LMBRD1: variants seen among roughly 807,000 people sequenced by gnomAD.
LMBRD1 encodes the protein lysosomal cobalamin transport escort protein LMBD1.
LMBRD1 carries 64 observed loss-of-function variants against 74.8 expected under a neutral mutation model. The observed-to-expected ratio is 0.86, with a 90% confidence interval of 0.70 to 1.05. The LOEUF is 1.05. Ranked by LOEUF, LMBRD1 falls within the 50% of genes least tolerant of loss-of-function variation. The pLI is 0.00. For missense variants in LMBRD1, 652 were observed against 645.9 expected (o/e 1.01, Z -0.10); for synonymous variants, 204 against 216.3 (o/e 0.94, Z 0.50).
At chr6:69,724,358 A>C (rs1315363519) in intron 7 of LMBRD1, among the ~76,000 whole-genome samples, 1 of 149,458 alleles carries the variant, frequency 6.7e-6, no homozygotes, top group Non-Finnish European at 1.5e-5. Flanking sequence ...TAAAAAAAAA[A>C]AAAAAAACAC....
At chr6:69,718,439 T>C (rs913028531) in intron 8 of LMBRD1, among the ~76,000 whole-genome samples, 2 of 152,176 alleles carry the variant, frequency 1.3e-5, no homozygotes, top group African/African-American at 2.4e-5. Flanking sequence ...TTTAAAAATA[T>C]AGACATGGTT....
chr6:69,756,373 A>AAAAAAAG, intron 3 of LMBRD1, among the ~76,000 whole-genome samples: 1 of 151,998 alleles, frequency 6.6e-6, no homozygotes, highest in African/African-American at 2.4e-5. Context: ...AAAAAAAAAA[A>AAAAAAAG]AAAGAAAAAG....
At chr6:69,764,638 T>C (rs1765442112) in intron 3 of LMBRD1, among the ~76,000 whole-genome samples, 2 of 152,310 alleles carry the variant, frequency 1.3e-5, no homozygotes, top group East Asian at 1.9e-4. Flanking sequence ...CCTGATTAAA[T>C]GCCTGTTCAA....
chr6:69,710,622 C>T lies in LMBRD1; in HGVS notation c.915+3023G>A, dbSNP rs1354854163. On this transcript the variant is annotated intron_variant, in intron 9 of 15. Coordinates refer to ENST00000649934, the MANE Select transcript of LMBRD1 (RefSeq NM_018368.4). ...CTAGATCCAGACTATATAATGAACGCTTGTATCTCACTCATAATAGAAAAC... is the reference window on the plus strand; with the variant it reads ...CTAGATCCAGACTATATAATGAACGTTTGTATCTCACTCATAATAGAAAAC... 1.8e-4 allele frequency among the ~76,000 whole-genome samples: 28 copies of T among 152,056 alleles called. 1 individual carries two copies. The highest frequency in any genetic ancestry group is 1.8e-3 in the Admixed American group (27 of 15,262).
rs1369956364 is a variant in LMBRD1, at chr6:69,719,060, G to A, written c.658C>T (p.Pro220Ser). The change falls in exon 8 of 16, where the codon CCT (proline) becomes TCT (serine). Residue 220 changes from proline to serine, a missense_variant. By Grantham distance (74) the Pro-to-Ser change is moderately conservative. This residue lies in a region of LMBRD1 where 598 missense variants were observed against 581.8 expected (regional missense o/e 1.03). Coordinates refer to ENST00000649934, the MANE Select transcript of LMBRD1 (RefSeq NM_018368.4). ...CTAGTGCCTTTTATCAGATTTAAAG[G>A]TAACGCAGACATGCCATAGGCCTAA... ...TYTAYGMSALPLNLIKGTRSA... is the reference protein window; with the variant it reads ...TYTAYGMSALSLNLIKGTRSA... 6.2e-7 allele frequency: 1 copy of A among 1,613,120 alleles called. No individual in the cohort carries two copies. Among genetic ancestry groups the A allele is most frequent in the Non-Finnish European group, 8.5e-7 (1 of 1,179,398 alleles).
intron 7 of LMBRD1, among the ~76,000 whole-genome samples, chr6:69,722,131 A>G (rs571257450): frequency 6.6e-6 from 1 of 152,210 alleles, no homozygotes; most frequent in Non-Finnish European, 1.5e-5. Context: ...AGCAAAGAAC[A>G]GCATGACATA....
chr6:69,748,796 A>G (rs1765052122), intron 5 of LMBRD1, among the ~76,000 whole-genome samples: 2 of 152,114 alleles, frequency 1.3e-5, no homozygotes, highest in African/African-American at 4.8e-5. Flanking sequence ...TATAAAAACA[A>G]GAAGAATTAA....
At chr6:69,777,053 C>T (rs1167807657) in intron 3 of LMBRD1, among the ~76,000 whole-genome samples, 1 of 152,176 alleles carries the variant, frequency 6.6e-6, no homozygotes, top group African/African-American at 2.4e-5. Context: ...GAGGCCGAGG[C>T]AAGAGAATCA....
chr6:69,750,973 C>T (rs769244367), intron 4 of LMBRD1, among the ~76,000 whole-genome samples: 2 of 152,068 alleles, frequency 1.3e-5, no homozygotes, highest in South Asian at 4.1e-4. Context: ...TATTTAAATA[C>T]AAATATAAAC....
intron 3 of LMBRD1, among the ~76,000 whole-genome samples, chr6:69,772,383 C>T (rs965623966): frequency 2.6e-5 from 4 of 152,132 alleles, no homozygotes; most frequent in African/African-American, 9.7e-5. Context: ...AAAACAAGAA[C>T]ATATGTCTCA....
At chr6:69,740,030 C>T (rs1020889469) in intron 6 of LMBRD1, among the ~76,000 whole-genome samples, 10 of 152,112 alleles carry the variant, frequency 6.6e-5, no homozygotes, top group Non-Finnish European at 1.0e-4. Context: ...CGCTTGAACC[C>T]GGAAGGCAGG....
intron 7 of LMBRD1, among the ~76,000 whole-genome samples, chr6:69,720,018 C>T (rs754708015): frequency 2.6e-5 from 4 of 152,148 alleles, no homozygotes; most frequent in Non-Finnish European, 5.9e-5. Flanking sequence ...TCTCTGCTAC[C>T]TAGCTGTCAA....
At chr6:69,765,764 T>C (rs1037265617) in intron 3 of LMBRD1, among the ~76,000 whole-genome samples, 4 of 152,152 alleles carry the variant, frequency 2.6e-5, no homozygotes, top group African/African-American at 4.8e-5. Context: ...TAATATGGAA[T>C]TGTTTATTTA....
At chr6:69,726,796 A>T (rs1766745970) in intron 7 of LMBRD1, among the ~76,000 whole-genome samples, 1 of 150,592 alleles carries the variant, frequency 6.6e-6, no homozygotes. Context: ...AAAAAAAATG[A>T]GTAAGACCCA....
At chr6:69,738,500 C>A (rs1767022880) in intron 6 of LMBRD1, among the ~76,000 whole-genome samples, 1 of 151,916 alleles carries the variant, frequency 6.6e-6, no homozygotes, top group Non-Finnish European at 1.5e-5. Flanking sequence ...AAACTAAAAT[C>A]TTAATTAAAG....
chr6:69,676,000 T>C lies in LMBRD1; in HGVS notation c.*158A>G, dbSNP rs1271693671. 1 of 645,116 alleles carries C rather than the reference T, an allele frequency of 1.6e-6. No homozygotes were observed. Among genetic ancestry groups the C allele is most frequent in the African/African-American group, 1.8e-5 (1 of 54,716 alleles). The allele number at this position is 645,116 out of a possible 1,614,324, so 40.0% of individuals were successfully genotyped here. On this transcript the variant is annotated 3_prime_UTR_variant, in exon 16 of 16. Coordinates refer to ENST00000649934, the MANE Select transcript of LMBRD1 (RefSeq NM_018368.4). ...TTTAAAATGTTAATCTATGATACAA[T>C]GTTACTTCAGAAAACATATAATAAA...
chr6:69,725,640 C>T (rs990315844), intron 7 of LMBRD1, among the ~76,000 whole-genome samples: 1 of 152,070 alleles, frequency 6.6e-6, no homozygotes, highest in South Asian at 2.1e-4. Flanking sequence ...GAGGAAAAGA[C>T]GGCTTCTTCA....
At chr6:69,795,890 T>C (rs1406689650) in intron 1 of LMBRD1, among the ~76,000 whole-genome samples, 1 of 152,218 alleles carries the variant, frequency 6.6e-6, no homozygotes, top group Non-Finnish European at 1.5e-5. Context: ...CAAACAAGCC[T>C]GATTTCCAGA....
In LMBRD1 at chr6:69,757,276, A is replaced by C. The variant is rs188499609; in HGVS notation, c.308-4920T>G. 5.3e-5 allele frequency among the ~76,000 whole-genome samples: 8 copies of C among 152,330 alleles called. No individual in the cohort carries two copies. The East Asian group carries it at 1.5e-3, about 29-fold the overall frequency. On this transcript the variant is annotated intron_variant, in intron 3 of 15. Transcript: ENST00000649934. ...CACTAATCTGAGAAGTCAAAAAAAA[A>C]TGGGGCAGCTATTGACTTAAAAGAT... is the stretch of plus-strand genomic sequence containing the variant.
Sources: allele counts gnomAD v4.1 joint callset (sites outside exome capture counted in the v4.1 genomes callset), GRCh38; gene constraint gnomAD v4.1.1; regional missense constraint gnomAD v4.1.1; transcripts MANE v1.5; gene names NCBI Gene and HGNC (gene_info 2026-07-23, HGNC 2026-07-21).